CNST: variants seen among roughly 807,000 people sequenced by gnomAD.
CNST encodes consortin, connexin sorting protein, also known as consortin.
A neutral mutation model predicts 72.4 loss-of-function variants in CNST; 39 were observed. The observed-to-expected ratio is 0.54, with a 90% CI of 0.42 to 0.70. The LOEUF (loss-of-function observed/expected upper bound fraction) is 0.70. Ranked by LOEUF, CNST falls within the 30% of genes least tolerant of loss-of-function variation. CNST has a pLI of 0.00. For missense variants in CNST, 871 were observed against 868.5 expected, an observed-to-expected ratio of 1.00 and a Z score of -0.04; for synonymous variants, 332 against 320.1, an observed-to-expected ratio of 1.04 and a Z score of -0.40.
At chr1:246,572,268 T>C (rs1413264976) in intron 1 of CNST, among the ~76,000 whole-genome samples, 3 of 152,196 alleles carry the variant, frequency 2.0e-5, no homozygotes, top group Non-Finnish European at 2.9e-5. Context: ...AATTAAATAC[T>C]TTTTTATATT....
At chr1:246,621,815 C>T (rs568147456) in intron 3 of CNST, among the ~76,000 whole-genome samples, 181 bp downstream of exon 3, 2 of 152,044 alleles carry the variant, frequency 1.3e-5, no homozygotes, top group East Asian at 1.9e-4. Context: ...GGCAACATGG[C>T]GAAACCCCAT....
intron 6 of CNST, among the ~76,000 whole-genome samples, chr1:246,637,761 T>C (rs967189446): frequency 2.0e-4 from 30 of 152,318 alleles, no homozygotes; most frequent in African/African-American, 6.7e-4. Context: ...GGGCCTGTTA[T>C]TGGATTGCAT....
chr1:246,586,107 ATATATG>A (rs780945702), intron 1 of CNST, among the ~76,000 whole-genome samples: 59 of 42,262 alleles, frequency 1.4e-3, no homozygotes, highest in East Asian at 0.011. Context: ...ATATATATAT[ATATATG>A]TGTGTGTGTG....
intron 2 of CNST, chr1:246,608,216 G>A (rs750828777): frequency 1.3e-5 from 2 of 152,198 alleles, no homozygotes; most frequent in Non-Finnish European, 2.9e-5. Context: ...ATGGTGGCAT[G>A]TGCCTGAGGT....
chr1:246,654,201 G>A (rs1016475094), intron 9 of CNST, among the ~76,000 whole-genome samples: 8 of 152,118 alleles, frequency 5.3e-5, no homozygotes, highest in African/African-American at 1.4e-4. Flanking sequence ...AGACTATACC[G>A]TAGTCAGACT....
At position 246,659,397 on chromosome 1, in the gene CNST, A is replaced by C. The variant is rs534742967; in HGVS notation, c.1837-802A>C. On this transcript the variant is annotated intron_variant, in intron 9 of 10. Coordinates refer to ENST00000366513, the MANE Select transcript of CNST (RefSeq NM_152609.3). ...ATCACGAGGTCAGGAGATCGAGACC[A>C]TCCTGGCTAACTCGGTGAAACCCCG... Among the ~76,000 whole-genome samples, 4 of 152,260 alleles carry C rather than the reference A, an allele frequency of 2.6e-5. No homozygotes were observed. In the East Asian group the frequency reaches 5.8e-4, roughly 22 times the overall value.
intron 3 of CNST, among the ~76,000 whole-genome samples, chr1:246,624,002 G>C (rs886162534): frequency 2.0e-5 from 3 of 152,102 alleles, no homozygotes; most frequent in Admixed American, 2.0e-4. Context: ...GTTTGAGGCT[G>C]CAATGAGCCG....
At chr1:246,649,622 A>C (rs573249030) in intron 9 of CNST, among the ~76,000 whole-genome samples, 5 of 151,740 alleles carry the variant, frequency 3.3e-5, no homozygotes, top group African/African-American at 9.7e-5. Context: ...TGTGAAGAAG[A>C]AGCAGAGAGC....
intron 9 of CNST, among the ~76,000 whole-genome samples, chr1:246,651,781 A>G (rs1666461056): frequency 6.6e-6 from 1 of 152,214 alleles, no homozygotes; most frequent in African/African-American, 2.4e-5. Flanking sequence ...AGTATAGTTT[A>G]TACTGTATAC....
At chr1:246,621,749 T>C (rs1572191429) in intron 3 of CNST, 115 bp downstream of exon 3, 2 of 908,868 alleles carry the variant, frequency 2.2e-6, no homozygotes, top group Admixed American at 3.8e-5. Flanking sequence ...AATCCCAGCA[T>C]TTTGGGAGGC....
At chr1:246,653,160 G>A (rs1051652301) in intron 9 of CNST, among the ~76,000 whole-genome samples, 2 of 152,138 alleles carry the variant, frequency 1.3e-5, no homozygotes, top group African/African-American at 4.8e-5. Context: ...GTGTCTAGTG[G>A]GGAGAAAAAT....
chr1:246,577,576 C>A (rs2103007457), intron 1 of CNST, among the ~76,000 whole-genome samples: 1 of 152,184 alleles, frequency 6.6e-6, no homozygotes, highest in South Asian at 2.1e-4. Flanking sequence ...ATAATTCTTA[C>A]AGGAACCAGT....
At chr1:246,616,042 T>C (rs1320678483) in intron 2 of CNST, among the ~76,000 whole-genome samples, 1 of 152,194 alleles carries the variant, frequency 6.6e-6, no homozygotes, top group Non-Finnish European at 1.5e-5. Flanking sequence ...AGTTATTTAA[T>C]GGGTAGTTTT....
In CNST at chr1:246,629,722, C is replaced by A. The variant is rs1664654189; in HGVS notation, c.586-2172C>A. On this transcript the variant is annotated intron_variant, in intron 3 of 10. Coordinates refer to ENST00000366513, the MANE Select transcript of CNST (RefSeq NM_152609.3). ...TAGATGTTTTCACTGGAAGTTTGTACTTGAAATTTTTTTTTCTTTGTTTTT... is the reference window on the plus strand; with the variant it reads ...TAGATGTTTTCACTGGAAGTTTGTAATTGAAATTTTTTTTTCTTTGTTTTT... 3.3e-5 allele frequency among the ~76,000 whole-genome samples: 5 copies of A among 152,076 alleles called. No individual in the cohort carries two copies. The South Asian group carries it at 1.0e-3, about 31-fold the overall frequency.
chr1:246,585,456 G>C (rs1022570865), intron 1 of CNST, among the ~76,000 whole-genome samples: 1 of 151,822 alleles, frequency 6.6e-6, no homozygotes, highest in Non-Finnish European at 1.5e-5. Context: ...AGATCAGCCT[G>C]TCCAACATGG....
intron 2 of CNST, among the ~76,000 whole-genome samples, chr1:246,595,961 G>A (rs953324141): frequency 1.3e-5 from 2 of 152,072 alleles, no homozygotes; most frequent in Non-Finnish European, 2.9e-5. Flanking sequence ...CTGTTTATGG[G>A]TTTGCTGGAG....
chr1:246,651,507 A>G (rs1424510085), intron 9 of CNST, among the ~76,000 whole-genome samples: 1 of 152,114 alleles, frequency 6.6e-6, no homozygotes, highest in Non-Finnish European at 1.5e-5. Flanking sequence ...TTTGATCATC[A>G]TTGCCAGCCC....
Position 246,584,576 on chromosome 1 carries a change from T to C in CNST, c.-51-6936T>C, listed in dbSNP as rs77426702. Among the ~76,000 whole-genome samples, 5 of 152,280 alleles carry C rather than the reference T, an allele frequency of 3.3e-5. No homozygotes were observed. In the East Asian group the frequency reaches 9.7e-4, roughly 29 times the overall value. ...TAGAAGATTAAGGTACAGGATTCTT[T>C]TAGCCAGATTGTGGATGATCTGCAT... On this transcript the variant is annotated intron_variant, in intron 1 of 10. Transcript: ENST00000366513.
Position 246,657,611 on chromosome 1 carries a change from G to A in CNST, c.1837-2588G>A, listed in dbSNP as rs552646183. Reference sequence around the variant, plus strand: ...AAAGAATTCAGAAAAAGTTGCCAGAGTTCATTGCCACCCATAGTAAATAAG... The same window carrying A: ...AAAGAATTCAGAAAAAGTTGCCAGAATTCATTGCCACCCATAGTAAATAAG... On this transcript the variant is annotated intron_variant, in intron 9 of 10. Coordinates refer to ENST00000366513, the MANE Select transcript of CNST (RefSeq NM_152609.3). Among the ~76,000 whole-genome samples the A allele has an allele frequency of 1.6e-4, 24 of 152,300 alleles. 1 individual carries two copies. Among genetic ancestry groups the A allele is most frequent in the African/African-American group, 5.5e-4 (23 of 41,576 alleles).
Sources: gnomAD v4.1 joint callset for allele counts (sites outside exome capture counted in the v4.1 genomes callset) on GRCh38, gnomAD v4.1.1 for gene constraint, MANE v1.5 for transcripts, NCBI Gene and HGNC (gene_info 2026-07-23, HGNC 2026-07-21) for gene names.